The following SLC41A3 variants were observed in gnomAD, a reference collection of about 807,000 sequenced individuals.
SLC41A3 encodes the protein SLC41A1-like 2.
Under a neutral mutation model 45.4 loss-of-function variants are expected in SLC41A3, and 44 were observed. That is an observed-to-expected ratio of 0.97 (90% CI 0.76 to 1.25). The LOEUF (loss-of-function observed/expected upper bound fraction) is 1.25. Ranked by LOEUF, SLC41A3 falls within the 50% of genes most tolerant of loss-of-function variation. SLC41A3 has a pLI of 0.00. For synonymous variants in SLC41A3, 256 were observed against 252.4 expected, an observed-to-expected ratio of 1.01 and a Z score of -0.13; for missense variants, 550 against 600.6, an observed-to-expected ratio of 0.92 and a Z score of 0.88.
chr3:126,019,371 T>C (rs768426026), intron 6 of SLC41A3, among the ~76,000 whole-genome samples: 11 of 152,184 alleles, frequency 7.2e-5, no homozygotes, highest in Non-Finnish European at 1.3e-4. Flanking sequence ...ACATTGGGGA[T>C]CAACACATGA....
chr3:126,020,400 T>G (rs959210034), intron 6 of SLC41A3, among the ~76,000 whole-genome samples: 2 of 152,162 alleles, frequency 1.3e-5, no homozygotes, highest in Admixed American at 1.3e-4. Context: ...CATGCTAATC[T>G]CCTTAGAAAC....
Position 126,033,827 on chromosome 3 carries a change from C to T in SLC41A3, c.382-149G>A, listed in dbSNP as rs562593294. On this transcript the variant is annotated intron_variant, in intron 3 of 10. Transcript: ENST00000360370. ...AAATTCCTCTGCTCAGCTCTCCAAACAGCGACCTGGCCTTCTTATACGGGG... is the reference window on the plus strand; with the variant it reads ...AAATTCCTCTGCTCAGCTCTCCAAATAGCGACCTGGCCTTCTTATACGGGG... 9 of 782,208 alleles carry T rather than the reference C, an allele frequency of 1.2e-5. No individual in the cohort carries two copies. The South Asian group carries it at 1.2e-4, about 11-fold the overall frequency. The allele number at this position is 782,208 out of a possible 1,614,324, so 48.5% of individuals were successfully genotyped here.
rs1943304300 is a variant in SLC41A3 at position 126,051,092 on chromosome 3, C to G, written c.274-42G>C. 4 of 1,506,328 alleles carry G rather than the reference C, an allele frequency of 2.7e-6. No homozygotes were observed. In the South Asian group the frequency reaches 4.2e-5, roughly 16 times the overall value. 93.3% of individuals were successfully genotyped at this position (1,506,328 alleles called of 1,614,324 possible). A position where few individuals can be genotyped will look rare whatever the true frequency, so the allele number is the denominator to read the frequency against. ...AAGGAGATAAGCCAAACACACACAT[C>G]AGCAAATCTCTGGAAATTTCTTGAG... On this transcript the variant is annotated intron_variant, in intron 2 of 10. Transcript: ENST00000360370.
chr3:126,070,830 A>G (rs904194449), intron 1 of SLC41A3, among the ~76,000 whole-genome samples: 1 of 151,598 alleles, frequency 6.6e-6, no homozygotes, highest in Admixed American at 6.6e-5. Context: ...AACCACCTAG[A>G]CAGATTTTTT....
intron 1 of SLC41A3, among the ~76,000 whole-genome samples, chr3:126,098,806 G>A (rs1345274537): frequency 1.3e-5 from 2 of 152,226 alleles, no homozygotes; most frequent in Non-Finnish European, 2.9e-5. Flanking sequence ...GTCCAGGGCT[G>A]GCCTCCATTT....
chr3:126,010,451 A>G (rs778587796), intron 9 of SLC41A3, among the ~76,000 whole-genome samples: 1 of 152,232 alleles, frequency 6.6e-6, no homozygotes, highest in Non-Finnish European at 1.5e-5. Flanking sequence ...CAGCCTGGGC[A>G]ACAGAGTGAG....
chr3:126,069,748 G>C (rs1002169664), intron 1 of SLC41A3, among the ~76,000 whole-genome samples: 1 of 152,076 alleles, frequency 6.6e-6, no homozygotes, highest in African/African-American at 2.4e-5. Context: ...ATGTCTACTT[G>C]AATACAGAGT....
At chr3:126,054,453 C>T (rs1205364214) in intron 2 of SLC41A3, among the ~76,000 whole-genome samples, 1 of 152,132 alleles carries the variant, frequency 6.6e-6, no homozygotes, top group African/African-American at 2.4e-5. Context: ...AAAGCAAACA[C>T]CTGCTACACT....
chr3:126,090,745 T>C (rs1171513732), intron 1 of SLC41A3, among the ~76,000 whole-genome samples: 2 of 152,226 alleles, frequency 1.3e-5, no homozygotes, highest in East Asian at 3.9e-4. Flanking sequence ...ACAAATGCTC[T>C]GCTGCTGAAA....
intron 8 of SLC41A3, 135 bp downstream of exon 8, chr3:126,015,359 G>C: frequency 2.5e-6 from 2 of 801,708 alleles, no homozygotes; most frequent in South Asian, 3.4e-5. Flanking sequence ...TAAGGCAGCA[G>C]TCTGTCCACG....
At position 126,030,790 on chromosome 3, in the gene SLC41A3, A is replaced by C. The variant is rs530722209; in HGVS notation, c.453+2817T>G. On this transcript the variant is annotated intron_variant, in intron 4 of 10. Transcript: ENST00000360370. ...CTTTGTTTATTCATCAGATTAGGTA[A>C]GATTAAAATTTAAAAAGTTGATAAT... Among the ~76,000 whole-genome samples, 3 of 152,322 alleles carry C rather than the reference A, an allele frequency of 2.0e-5. No homozygotes were observed. In the East Asian group the frequency reaches 5.8e-4, roughly 29 times the overall value.
Position 126,026,624 on chromosome 3 carries a change from C to A in SLC41A3, c.454-145G>T, listed in dbSNP as rs1303014607. 3 of 1,145,992 alleles carry A rather than the reference C, an allele frequency of 2.6e-6. No individual in the cohort carries two copies. The highest frequency in any genetic ancestry group is 3.1e-5 in the African/African-American group (2 of 63,684). 71.0% of individuals were successfully genotyped at this position (1,145,992 alleles called of 1,614,324 possible). On this transcript the variant is annotated intron_variant, in intron 4 of 10. Transcript: ENST00000360370. The surrounding 1 kb of genome is among the most constrained non-coding windows in gnomAD (Gnocchi z 4.2). ...TACCCTAAAATCTCACAGGCCCTCA[C>A]CCCAGGAAAAACTAATACCACACCC...
chr3:126,035,923 A>T (rs1942155347), intron 3 of SLC41A3, among the ~76,000 whole-genome samples: 1 of 152,174 alleles, frequency 6.6e-6, no homozygotes, highest in African/African-American at 2.4e-5. Flanking sequence ...CAGGGGAAAT[A>T]GCTGCAGGCA....
upstream of SLC41A3, among the ~76,000 whole-genome samples, chr3:126,087,932 A>G (rs1021346556): frequency 6.6e-6 from 1 of 152,160 alleles, no homozygotes; most frequent in African/African-American, 2.4e-5. Flanking sequence ...ATTTTATTAC[A>G]AATATTGACT....
At chr3:126,057,108 G>A in intron 2 of SLC41A3, 1 of 987,396 alleles carries the variant, frequency 1.0e-6, no homozygotes, top group Middle Eastern at 5.2e-4. Flanking sequence ...GCCTCCTCAG[G>A]CCAGCTCTAC....
chr3:126,010,164 G>T (rs1280264729), intron 9 of SLC41A3, among the ~76,000 whole-genome samples: 1 of 152,178 alleles, frequency 6.6e-6, no homozygotes, highest in Non-Finnish European at 1.5e-5. Context: ...AAGAAATGCA[G>T]ATACAAATAG....
intron 1 of SLC41A3, among the ~76,000 whole-genome samples, chr3:126,078,683 C>T (rs78721717): frequency 0.051 from 7,727 of 152,218 alleles, 277 homozygotes; most frequent in Middle Eastern, 0.13. Context: ...GATCACTTTA[C>T]GCAGAAGAGG....
In SLC41A3 at chr3:126,015,429, G is replaced by T. The variant is rs2279820; in HGVS notation, c.970+65C>A. ...CTGCCCCTCTGAGGTCTGCTGTTCC[G>T]GTCCAACCCAATCCTGTGGGCCTAC... is the stretch of plus-strand genomic sequence containing the variant. On this transcript the variant is annotated intron_variant, in intron 8 of 10. Transcript: ENST00000360370. 2.6e-6 allele frequency: 4 copies of T among 1,552,468 alleles called. No homozygotes were observed. The African/African-American group carries it at 4.1e-5, about 16-fold the overall frequency.
intron 6 of SLC41A3, among the ~76,000 whole-genome samples, chr3:126,017,196 G>C (rs1940386283): frequency 6.6e-6 from 1 of 152,226 alleles, no homozygotes; most frequent in African/African-American, 2.4e-5. Flanking sequence ...TGTATGGAAT[G>C]CACCATGAGC....
Sources: allele counts gnomAD v4.1 joint callset (sites outside exome capture counted in the v4.1 genomes callset), GRCh38; gene constraint gnomAD v4.1.1; non-coding constraint Gnocchi (gnomAD v3.1); transcripts MANE v1.5; gene names NCBI Gene and HGNC (gene_info 2026-07-23, HGNC 2026-07-21).